LPA: variants seen among roughly 807,000 people sequenced by gnomAD.
LPA encodes apolipoprotein(a).
A neutral mutation model predicts 197.9 loss-of-function variants in LPA; 199 were observed. The observed-to-expected ratio is 1.01, with a 90% CI of 0.90 to 1.13. The LOEUF is 1.13. Among genes scored for constraint, LPA ranks in the 50% most tolerant of loss-of-function variants. LPA has a pLI of 0.00. For missense variants in LPA, 1,853 were observed against 1,785.8 expected, an observed-to-expected ratio of 1.04 and a Z score of -0.68; for synonymous variants, 715 against 639.5, an observed-to-expected ratio of 1.12 and a Z score of -1.78.
intron 16 of LPA, among the ~76,000 whole-genome samples, chr6:160,608,606 T>C (rs1477444625): frequency 1.3e-5 from 2 of 152,168 alleles, no homozygotes; most frequent in Non-Finnish European, 2.9e-5. Context: ...TCGAAACGCC[T>C]ATTTGATGCA....
chr6:160,598,467 C>T (rs1779173590), intron 20 of LPA, among the ~76,000 whole-genome samples: 1 of 152,192 alleles, frequency 6.6e-6, no homozygotes, highest in African/African-American at 2.4e-5. Flanking sequence ...TTGAAGAAAG[C>T]CAAGGCATTG....
intron 26 of LPA, among the ~76,000 whole-genome samples, chr6:160,583,050 C>A (rs1183362735): frequency 6.6e-6 from 1 of 151,712 alleles, no homozygotes; most frequent in African/African-American, 2.4e-5. Context: ...TACAATTTTT[C>A]TTTCTGTTGA....
chr6:160,559,930 T>C (rs1186322508), intron 28 of LPA, among the ~76,000 whole-genome samples: 1 of 152,162 alleles, frequency 6.6e-6, no homozygotes, highest in Non-Finnish European at 1.5e-5. Context: ...CCTAATCCAA[T>C]CCCTCCCCTA....
intron 28 of LPA, among the ~76,000 whole-genome samples, chr6:160,567,893 A>G (rs566830800): frequency 6.6e-6 from 1 of 152,258 alleles, no homozygotes; most frequent in Non-Finnish European, 1.5e-5. Context: ...TAGAAAATCT[A>G]GAAGAAATGG....
At chr6:160,535,045 A>G in intron 37 of LPA, among the ~76,000 whole-genome samples, 1 of 145,840 alleles carries the variant, frequency 6.9e-6, no homozygotes, top group African/African-American at 2.6e-5. Context: ...AGTAGTGGTG[A>G]TGGTGGTGGG....
chr6:160,551,648 T>C (rs1778168070), intron 30 of LPA, among the ~76,000 whole-genome samples: 1 of 152,232 alleles, frequency 6.6e-6, no homozygotes, highest in East Asian at 1.9e-4. Flanking sequence ...CATGGAACTT[T>C]CATATTTCAG....
chr6:160,610,431 C>T (rs186591685), intron 16 of LPA, among the ~76,000 whole-genome samples: 5 of 152,206 alleles, frequency 3.3e-5, no homozygotes, highest in African/African-American at 7.2e-5. Context: ...CAATGTGTTC[C>T]GTGAGCACTC....
At chr6:160,542,386 AT>A (rs1342515459) in intron 34 of LPA, among the ~76,000 whole-genome samples, 1 of 152,248 alleles carries the variant, frequency 6.6e-6, no homozygotes, top group Admixed American at 6.5e-5. Flanking sequence ...ATGGATATCC[AT>A]AGAAACCCTC....
At chr6:160,632,190 TATG>T (rs1779703162) in intron 8 of LPA, among the ~76,000 whole-genome samples, 1 of 133,840 alleles carries the variant, frequency 7.5e-6, no homozygotes. Context: ...TTTCTCTTGA[TATG>T]ATATCTGCTT....
At chr6:160,588,421 C>T (rs549513084) in intron 24 of LPA, among the ~76,000 whole-genome samples, 1 of 152,184 alleles carries the variant, frequency 6.6e-6, no homozygotes, top group South Asian at 2.1e-4. Flanking sequence ...CTACTGAATG[C>T]CCAAAATGTA....
At chr6:160,543,760 A>G (rs1036161725) in intron 33 of LPA, among the ~76,000 whole-genome samples, 1 of 152,216 alleles carries the variant, frequency 6.6e-6, no homozygotes, top group Non-Finnish European at 1.5e-5. Context: ...GTTTCTATTT[A>G]TTTTTACTTA....
chr6:160,647,853 A>G (rs1487349706), intron 2 of LPA, among the ~76,000 whole-genome samples: 1 of 152,240 alleles, frequency 6.6e-6, no homozygotes, highest in Non-Finnish European at 1.5e-5. Context: ...TTAAAAAGAT[A>G]TAAACGTTTG....
intron 28 of LPA, among the ~76,000 whole-genome samples, chr6:160,563,750 T>TATTG (rs1778401633): frequency 6.6e-6 from 1 of 152,228 alleles, no homozygotes; most frequent in Non-Finnish European, 1.5e-5. Flanking sequence ...GGTGCTCCTG[T>TATTG]ATTGGGTGCA....
In LPA at chr6:160,611,651, G is replaced by A. The variant is rs201423428; in HGVS notation, c.2514C>T (p.Tyr838=). The change falls in exon 16 of 39, where the codon TAC becomes TAT. Residue 838 remains tyrosine (Y), a synonymous_variant. Coordinates refer to ENST00000316300, the MANE Select transcript of LPA (RefSeq NM_005577.4). ...AGGTTCTTCCAGTGACAGTGGTGGA[G>A]TATGTGCCTCGATAACTCTGTCCAT... ...HGNGQSYRGT[Y]STTVTGRTCQ... 6 of 1,570,122 alleles carry A rather than the reference G, an allele frequency of 3.8e-6. No homozygotes were observed. The South Asian group carries it at 5.6e-5, about 15-fold the overall frequency.
intron 28 of LPA, 98 bp downstream of exon 28, chr6:160,577,038 G>A (rs1778696813): frequency 6.8e-7 from 1 of 1,478,312 alleles, no homozygotes; most frequent in Admixed American, 1.7e-5. Flanking sequence ...GTGAGTCTAA[G>A]AGAAATTTGT....
At chr6:160,564,606 C>T (rs1032053739) in intron 28 of LPA, among the ~76,000 whole-genome samples, 1 of 152,176 alleles carries the variant, frequency 6.6e-6, no homozygotes, top group Non-Finnish European at 1.5e-5. Context: ...TGGGTGGTTT[C>T]TGCATTTCCA....
At chr6:160,658,264 A>AT (rs1167808685) in intron 1 of LPA, among the ~76,000 whole-genome samples, 2 of 152,036 alleles carry the variant, frequency 1.3e-5, no homozygotes, top group Non-Finnish European at 2.9e-5. Flanking sequence ...CCAGGGTCCC[A>AT]TTTTTTTCCA....
At chr6:160,655,379 G>T (rs896727463) in intron 1 of LPA, among the ~76,000 whole-genome samples, 12 of 152,180 alleles carry the variant, frequency 7.9e-5, no homozygotes, top group Non-Finnish European at 8.8e-5. Flanking sequence ...AGCACCATTG[G>T]ATCTGCGGGG....
At chr6:160,609,534 G>A (rs528536535) in intron 16 of LPA, among the ~76,000 whole-genome samples, 6 of 151,512 alleles carry the variant, frequency 4.0e-5, no homozygotes, top group Non-Finnish European at 7.4e-5. Flanking sequence ...TTTTTTTCTC[G>A]AAATTTCCTA....
Sources: gnomAD v4.1 joint callset for allele counts (sites outside exome capture counted in the v4.1 genomes callset) on GRCh38, gnomAD v4.1.1 for gene constraint, MANE v1.5 for transcripts, NCBI Gene and HGNC (gene_info 2026-07-23, HGNC 2026-07-21) for gene names.